ANKAR: variants seen among roughly 807,000 people sequenced by gnomAD.
The protein encoded by ANKAR is ankyrin and armadillo repeat-containing protein.
Under a neutral mutation model 146.2 loss-of-function variants are expected in ANKAR, and 136 were observed. That is an observed-to-expected ratio of 0.93 (90% CI 0.81 to 1.07). The LOEUF is 1.07. ANKAR is among the 50% of genes least tolerant of loss of function. The pLI is 0.00. For missense variants in ANKAR, 1,567 were observed against 1,679.9 expected (o/e 0.93, Z 1.18); for synonymous variants, 500 against 575.8 (o/e 0.87, Z 1.88).
chr2:189,746,606 C>T lies in ANKAR; in HGVS notation c.4284C>T (p.Asn1428=), dbSNP rs752730885. 2.5e-6 allele frequency: 4 copies of T among 1,605,134 alleles called. No individual in the cohort carries two copies. The South Asian group carries it at 4.5e-5, about 18-fold the overall frequency. ...NQLGKHVQKA[N]PEPAEG ...TTGGGAAACATGTCCAGAAAGCCAA[C>T]CCAGAGCCTGCAGAAGGCTAATAAA... Residue 1428 remains asparagine, a synonymous_variant, in exon 23 of 23, where the codon AAC becomes AAT. Coordinates refer to ENST00000684021, the MANE Select transcript of ANKAR (RefSeq NM_001378068.1).
intron 10 of ANKAR, among the ~76,000 whole-genome samples, chr2:189,719,028 C>T (rs546790646): frequency 1.3e-5 from 2 of 152,248 alleles, no homozygotes; most frequent in East Asian, 1.9e-4. Context: ...GGATTACAGG[C>T]GTGAGCCACC....
chr2:189,761,765 C>T, downstream of ANKAR: 1 of 1,238,472 alleles, frequency 8.1e-7, no homozygotes, highest in Non-Finnish European at 1.1e-6. Flanking sequence ...GTAAAAGTCA[C>T]CAAAAGTTTG....
intron 11 of ANKAR, 137 bp downstream of exon 11, chr2:189,719,950 T>A: frequency 9.8e-7 from 1 of 1,018,434 alleles, no homozygotes; most frequent in Non-Finnish European, 1.4e-6. Context: ...GGAGAGAGGG[T>A]GCCTGATGAA....
Position 189,677,044 on chromosome 2 carries a change from G to T in ANKAR, c.554G>T (p.Gly185Val), listed in dbSNP as rs1374477833. 4 of 1,596,170 alleles carry T rather than the reference G, an allele frequency of 2.5e-6. No individual in the cohort carries two copies. The highest frequency in any genetic ancestry group is 3.4e-6 in the Non-Finnish European group (4 of 1,174,426). The change falls in exon 2 of 23, where the codon GGA (glycine) becomes GTA (valine). Residue 185 changes from glycine to valine, a missense_variant. By Grantham distance (109) the Gly-to-Val change is moderately radical. Coordinates refer to ENST00000684021, the MANE Select transcript of ANKAR (RefSeq NM_001378068.1). ...GCCATCATGGACATTGATCCTGATG[G>T]AAAACCTCAAACAAATAAAGACATT... ...WRAIMDIDPD[G>V]KPQTNKDIFS...
intron 12 of ANKAR, among the ~76,000 whole-genome samples, chr2:189,721,889 CCTTTA>C (rs1223871964): frequency 6.6e-5 from 10 of 152,152 alleles, no homozygotes; most frequent in African/African-American, 2.2e-4. Context: ...AGCGATCTTT[CCTTTA>C]CTTTAAAACT....
chr2:189,752,812 A>G lies in ANKAR; in HGVS notation c.*584+8024A>G, dbSNP rs558060969. 269 of 1,613,464 alleles carry G rather than the reference A, an allele frequency of 1.7e-4. 3 individuals carry two copies. The South Asian group carries it at 2.7e-3, about 16-fold the overall frequency. ...TGATAAAATGGCAATTAATATTTAC[A>G]TAGTTATGAGTGAAGCACGTATATC... On this transcript the variant is annotated intron_variant and NMD_transcript_variant, in intron 18 of 18. Coordinates refer to the ANKAR transcript ENST00000441800.
chr2:189,698,992 A>G (rs549313537), intron 7 of ANKAR, among the ~76,000 whole-genome samples: 19 of 152,292 alleles, frequency 1.2e-4, no homozygotes, highest in Middle Eastern at 3.4e-3. Flanking sequence ...TGGCTACCTT[A>G]TATAAATTTA....
chr2:189,731,676 C>T (rs200996871), intron 16 of ANKAR, among the ~76,000 whole-genome samples: 3 of 151,704 alleles, frequency 2.0e-5, no homozygotes, highest in Non-Finnish European at 4.4e-5. Flanking sequence ...CAGGCTGTTT[C>T]TTTTTTAATC....
chr2:189,752,127 C>T (rs893874295), intron 18 of ANKAR, among the ~76,000 whole-genome samples: 2 of 150,590 alleles, frequency 1.3e-5, no homozygotes, highest in African/African-American at 4.9e-5. Flanking sequence ...CTGGGTGACA[C>T]TAAGACTCTA....
At chr2:189,710,861 CG>C (rs2039591485) in intron 9 of ANKAR, among the ~76,000 whole-genome samples, 187 bp from the exon 10 acceptor site, 1 of 152,136 alleles carries the variant, frequency 6.6e-6, no homozygotes. Context: ...TCAAAGATCA[CG>C]GGCTGATGGA....
rs2043058646 is a variant in ANKAR at position 189,738,592 on chromosome 2, G to C, written c.3610G>C (p.Asp1204His). The change falls in exon 19 of 23, where the codon GAT (aspartate) becomes CAT (histidine). Residue 1204 changes from aspartate to histidine, a missense_variant. Asp to His is a moderately conservative substitution (Grantham distance 81, BLOSUM62 -1). Transcript: ENST00000684021. The part of the protein sequence containing the change: ...QIVVLAKVIR[D>H]MDHITLSARG... ...TGTTGTACTGGCTAAAGTCATTAGA[G>C]ATATGGACCATATTACTTTGTCTGC... The C allele has an allele frequency of 6.2e-7, 1 of 1,610,062 alleles. No homozygotes were observed.
intron 7 of ANKAR, among the ~76,000 whole-genome samples, chr2:189,702,881 A>C (rs145727798): frequency 1.3e-5 from 2 of 152,274 alleles, no homozygotes; most frequent in Non-Finnish European, 2.9e-5. Context: ...TAAGGGAGGA[A>C]TTGTTTGGGA....
Position 189,743,407 on chromosome 2 carries a change from A to C in ANKAR, c.3943A>C (p.Ser1315Arg). ...AAAAAATAATATCAGCAGAGATGCA[A>C]GTATTAACCCAGCATTTTTAAAGGA... The part of the protein sequence containing the change: ...RIKNNISRDA[S>R]INPAFLKEFQ... The change falls in exon 21 of 23, where the codon AGT (serine) becomes CGT (arginine). Residue 1315 changes from serine to arginine, a missense_variant. Ser to Arg is a moderately radical substitution (Grantham distance 110). Coordinates refer to ENST00000684021, the MANE Select transcript of ANKAR (RefSeq NM_001378068.1). 6.2e-7 allele frequency: 1 copy of C among 1,614,026 alleles called. No individual in the cohort carries two copies. The highest frequency in any genetic ancestry group is 8.5e-7 in the Non-Finnish European group (1 of 1,179,932).
rs182675996 is a variant in ANKAR at position 189,745,514 on chromosome 2, T to C, written c.4057+726T>C. On this transcript the variant is annotated intron_variant, in intron 22 of 22. Transcript: ENST00000684021. ...TATAGTTTTGTACATAGTTGGTACA[T>C]TACACTTGAATGGACTAGATCTGCA... 1.2e-3 allele frequency among the ~76,000 whole-genome samples: 179 copies of C among 152,314 alleles called. 1 individual carries two copies. Among genetic ancestry groups the C allele is most frequent in the African/African-American group, 3.9e-3 (161 of 41,578 alleles).
chr2:189,695,337 C>T lies in ANKAR; in HGVS notation c.1488+176C>T, dbSNP rs17199046. Among the ~76,000 whole-genome samples, 1,603 of 152,308 alleles carry T rather than the reference C, an allele frequency of 0.011. 22 individuals are homozygous for T. Among genetic ancestry groups the T allele is most frequent in the Non-Finnish European group, 0.017 (1,172 of 68,026 alleles). On this transcript the variant is annotated intron_variant, in intron 6 of 22. Transcript: ENST00000684021. ...ACAATTCTGGATTATAAATTTCTGG[C>T]AGAGTACCTGTTAATGCACTGGATT...
At chr2:189,710,090 G>A (rs1368109462) in intron 9 of ANKAR, among the ~76,000 whole-genome samples, 1 of 152,158 alleles carries the variant, frequency 6.6e-6, no homozygotes, top group Admixed American at 6.5e-5. Flanking sequence ...TTTATTAGAG[G>A]TCTCAGGATT....
intron 12 of ANKAR, among the ~76,000 whole-genome samples, chr2:189,727,544 A>AAAG (rs1476706965): frequency 2.1e-4 from 31 of 149,838 alleles, no homozygotes; most frequent in African/African-American, 7.5e-4. Context: ...AAAAAAAAAA[A>AAAG]AAGGGTGGTG....
chr2:189,710,898 G>A (rs535459943), intron 9 of ANKAR, 151 bp from the exon 10 acceptor site: 69 of 623,996 alleles, frequency 1.1e-4, no homozygotes, highest in African/African-American at 7.6e-4. Flanking sequence ...ATAGGGAGCT[G>A]TGCACAGAGG....
At chr2:189,742,680 T>TG (rs1181946029) in intron 20 of ANKAR, among the ~76,000 whole-genome samples, 1 of 152,112 alleles carries the variant, frequency 6.6e-6, no homozygotes, top group African/African-American at 2.4e-5. Context: ...CCTTTGAGAA[T>TG]GATAAACAAA....
Sources: allele counts gnomAD v4.1 joint callset (sites outside exome capture counted in the v4.1 genomes callset), GRCh38; gene constraint gnomAD v4.1.1; transcripts MANE v1.5; gene names NCBI Gene and HGNC (gene_info 2026-07-23, HGNC 2026-07-21).